Variants in UBE2E2 observed in about 807,000 individuals in gnomAD.
UBE2E2 encodes the protein ubiquitin conjugating enzyme E2 E2.
A neutral mutation model predicts 24.7 loss-of-function variants in UBE2E2; 6 were observed. The ratio of observed to expected loss-of-function variants is 0.24; its 90% confidence interval spans 0.13 to 0.48. The LOEUF is 0.48. UBE2E2 is among the 20% of genes least tolerant of loss of function. The pLI is 0.99. For synonymous variants in UBE2E2, 104 were observed against 83.6 expected (o/e 1.24, Z -1.33); for missense variants, 169 against 245.0 (o/e 0.69, Z 2.07).
intron 4 of UBE2E2, among the ~76,000 whole-genome samples, chr3:23,527,455 A>C (rs150787383): frequency 1.3e-4 from 20 of 152,252 alleles, no homozygotes; most frequent in African/African-American, 4.6e-4. Flanking sequence ...TTTGGTCCTG[A>C]TTTTTGGCAC....
chr3:23,475,606 G>A (rs1699113048), intron 3 of UBE2E2, among the ~76,000 whole-genome samples: 1 of 152,106 alleles, frequency 6.6e-6, no homozygotes, highest in South Asian at 2.1e-4. Flanking sequence ...AACTCAGAAG[G>A]AGCCAAGAAA....
chr3:23,539,800 C>T (rs936953817), intron 5 of UBE2E2, among the ~76,000 whole-genome samples: 2 of 151,986 alleles, frequency 1.3e-5, no homozygotes, highest in Admixed American at 1.3e-4. Flanking sequence ...GAGAAAAGAT[C>T]AGACTGATTT....
At chr3:23,478,388 C>A (rs1699183850) in intron 3 of UBE2E2, among the ~76,000 whole-genome samples, 1 of 151,996 alleles carries the variant, frequency 6.6e-6, no homozygotes. Flanking sequence ...AGACTGATCA[C>A]CAAAGGAAAT....
chr3:23,295,524 T>C (rs1698885936), intron 3 of UBE2E2, among the ~76,000 whole-genome samples: 3 of 152,138 alleles, frequency 2.0e-5, no homozygotes, highest in Admixed American at 6.6e-5. Flanking sequence ...CAACTTACTA[T>C]CATGTGGGGA....
Position 23,548,195 on chromosome 3 carries a change from A to G in UBE2E2, c.508+15494A>G, listed in dbSNP as rs1695566460. Among the ~76,000 whole-genome samples, 3 of 152,238 alleles carry G rather than the reference A, an allele frequency of 2.0e-5. No individual in the cohort carries two copies. In the South Asian group the frequency reaches 6.2e-4, roughly 31 times the overall value. ...TAAGAGAAAGAAAATGAATCACGTCAGAGGTTACAGAAATTATAACCTACA... is the reference window on the plus strand; with the variant it reads ...TAAGAGAAAGAAAATGAATCACGTCGGAGGTTACAGAAATTATAACCTACA... On this transcript the variant is annotated intron_variant, in intron 5 of 5. Coordinates refer to ENST00000396703, the MANE Select transcript of UBE2E2 (RefSeq NM_152653.4).
intron 3 of UBE2E2, among the ~76,000 whole-genome samples, chr3:23,483,625 A>G (rs555762715): frequency 5.3e-5 from 8 of 152,314 alleles, no homozygotes; most frequent in African/African-American, 1.7e-4. Flanking sequence ...GTACACACCA[A>G]TCATCCAAGG....
At chr3:23,243,198 C>T (rs770053663) in intron 3 of UBE2E2, among the ~76,000 whole-genome samples, 22 of 152,074 alleles carry the variant, frequency 1.4e-4, no homozygotes, top group Non-Finnish European at 8.8e-5. Context: ...CTCCAAAGGA[C>T]GCCATCCTAG....
At chr3:23,544,211 C>A (rs1695463153) in intron 5 of UBE2E2, among the ~76,000 whole-genome samples, 1 of 151,918 alleles carries the variant, frequency 6.6e-6, no homozygotes, top group African/African-American at 2.4e-5. Context: ...ATAAATGGGA[C>A]CCAATTAAAC....
chr3:23,467,445 C>A (rs1355626573), intron 3 of UBE2E2, among the ~76,000 whole-genome samples: 9 of 152,188 alleles, frequency 5.9e-5, no homozygotes. Flanking sequence ...TGGGTCTCGA[C>A]TTCTCACTGC....
intron 3 of UBE2E2, among the ~76,000 whole-genome samples, chr3:23,237,291 G>C (rs954401362): frequency 6.6e-6 from 1 of 152,154 alleles, no homozygotes; most frequent in African/African-American, 2.4e-5. Context: ...GGCATATAAT[G>C]TATTATTCAT....
intron 3 of UBE2E2, among the ~76,000 whole-genome samples, chr3:23,315,774 T>C (rs748283918): frequency 4.6e-5 from 7 of 152,160 alleles, no homozygotes; most frequent in Admixed American, 2.6e-4. Context: ...CAGGTATTTG[T>C]TGGAACTTGA....
chr3:23,260,386 A>G (rs1001804554), intron 3 of UBE2E2, among the ~76,000 whole-genome samples: 31 of 152,224 alleles, frequency 2.0e-4, no homozygotes, highest in Non-Finnish European at 2.4e-4. Flanking sequence ...GTATATGAAA[A>G]CCCAGAAAAT....
intron 4 of UBE2E2, among the ~76,000 whole-genome samples, chr3:23,503,519 A>G (rs1418229110): frequency 1.3e-5 from 2 of 152,166 alleles, no homozygotes; most frequent in South Asian, 4.2e-4. Flanking sequence ...GCTGGGGATT[A>G]GCTTTTAGAT....
At chr3:23,323,993 A>C (rs1694817550) in intron 3 of UBE2E2, among the ~76,000 whole-genome samples, 1 of 152,186 alleles carries the variant, frequency 6.6e-6, no homozygotes, top group Non-Finnish European at 1.5e-5. Context: ...AAAGTAAATG[A>C]ATGAACAAAT....
At chr3:23,554,264 A>C (rs994272840) in intron 5 of UBE2E2, among the ~76,000 whole-genome samples, 4 of 152,194 alleles carry the variant, frequency 2.6e-5, no homozygotes, top group Admixed American at 6.5e-5. Context: ...ATGGGCAACT[A>C]ATTTTCAAAA....
chr3:23,342,191 T>G (rs1222547408), intron 3 of UBE2E2, among the ~76,000 whole-genome samples: 1 of 151,940 alleles, frequency 6.6e-6, no homozygotes, highest in East Asian at 1.9e-4. Flanking sequence ...AGTTTAGTTT[T>G]TTTTTTTTTT....
intron 3 of UBE2E2, among the ~76,000 whole-genome samples, chr3:23,471,429 G>A (rs1487955872): frequency 6.6e-6 from 1 of 152,216 alleles, no homozygotes; most frequent in Non-Finnish European, 1.5e-5. Context: ...TGTGGGATCA[G>A]TAAATGTGTG....
At chr3:23,458,666 C>T (rs185811629) in intron 3 of UBE2E2, among the ~76,000 whole-genome samples, 2 of 152,226 alleles carry the variant, frequency 1.3e-5, no homozygotes, top group African/African-American at 2.4e-5. Flanking sequence ...ATCCGCCCAC[C>T]TCGGCCTCCC....
intron 3 of UBE2E2, among the ~76,000 whole-genome samples, chr3:23,373,992 T>G (rs563058002): frequency 9.1e-4 from 139 of 152,300 alleles, no homozygotes; most frequent in African/African-American, 3.3e-3. Flanking sequence ...ACCTCTTTTG[T>G]CAGGGATTCT....
Sources: allele counts gnomAD v4.1 joint callset (sites outside exome capture counted in the v4.1 genomes callset), GRCh38; gene constraint gnomAD v4.1.1; transcripts MANE v1.5; gene names NCBI Gene and HGNC (gene_info 2026-07-23, HGNC 2026-07-21).